The following FARS2 variants were observed in gnomAD, a reference collection of about 807,000 sequenced individuals.
The protein encoded by FARS2 is phenylalanyl-tRNA synthetase 2, mitochondrial, also known as phenylalanine--tRNA ligase, mitochondrial.
In FARS2, 40 loss-of-function variants were observed where a neutral mutation model predicts 46.4. The ratio of observed to expected loss-of-function variants is 0.86; its 90% CI spans 0.67 to 1.12. FARS2 has a LOEUF of 1.12. FARS2 is among the 50% of genes most tolerant of loss of function. The probability of loss-of-function intolerance (pLI) is 0.00; values close to 1 mark genes in which losing one functional copy is unlikely to be tolerated. For synonymous variants in FARS2, 234 were observed against 214.9 expected, an observed-to-expected ratio of 1.09 and a Z score of -0.78; for missense variants, 513 against 567.9, an observed-to-expected ratio of 0.90 and a Z score of 0.98.
rs764897456 is a variant in FARS2 at position 5,359,029 on chromosome 6, C to CTTTTTTTTTTTTTTTTTTTTTT, written c.-21-9521_-21-9520insTTTTTTTTTTTTTTTTTTTTTT. Among the ~76,000 whole-genome samples the CTTTTTTTTTTTTTTTTTTTTTT allele has an allele frequency of 3.2e-4, 23 of 72,516 alleles. 10 individuals carry two copies. The highest frequency in any genetic ancestry group is 1.3e-3 in the South Asian group (2 of 1,498). 47.6% of individuals were successfully genotyped at this position (72,516 alleles called of 152,430 possible). A position where few individuals can be genotyped will look rare whatever the true frequency, so the allele number is the denominator to read the frequency against. On this transcript the variant is annotated intron_variant, in intron 1 of 6. Transcript: ENST00000274680. Reference sequence around the variant, plus strand: ...TCGAATTATAGTGATGAAAAGATACCCTTTTTTTTTTTTTTTTTTTTTTTT... The same window carrying CTTTTTTTTTTTTTTTTTTTTTT: ...TCGAATTATAGTGATGAAAAGATACCTTTTTTTTTTTTTTTTTTTTTTCTTTTTTTTTTTTTTTTTTTTTTTT...
intron 5 of FARS2, among the ~76,000 whole-genome samples, chr6:5,553,133 C>A (rs1232131693): frequency 6.6e-6 from 1 of 152,136 alleles, no homozygotes; most frequent in Non-Finnish European, 1.5e-5. Context: ...AATAATTCAG[C>A]AATGTTGGCT....
intron 6 of FARS2, among the ~76,000 whole-genome samples, chr6:5,645,276 T>TC (rs1401783976): frequency 1.3e-5 from 2 of 152,222 alleles, no homozygotes; most frequent in African/African-American, 4.8e-5. Flanking sequence ...GAATGTGCTT[T>TC]AAGTGTCTAA....
At chr6:5,698,221 G>T (rs1758218092) in intron 6 of FARS2, among the ~76,000 whole-genome samples, 1 of 152,212 alleles carries the variant, frequency 6.6e-6, no homozygotes, top group Non-Finnish European at 1.5e-5. Context: ...AGGCTGTACA[G>T]GAAGTATCAT....
intron 1 of FARS2, among the ~76,000 whole-genome samples, chr6:5,277,416 A>G (rs144357991): frequency 0.014 from 2,199 of 152,324 alleles, 21 homozygotes; most frequent in Non-Finnish European, 0.021. Context: ...ATGGATATCA[A>G]TTACAAATGG....
At chr6:5,664,354 C>T (rs1260842246) in intron 6 of FARS2, among the ~76,000 whole-genome samples, 1 of 152,206 alleles carries the variant, frequency 6.6e-6, no homozygotes, top group East Asian at 1.9e-4. Flanking sequence ...GCCAGTGTTA[C>T]ACCGAGGGTC....
intron 6 of FARS2, among the ~76,000 whole-genome samples, chr6:5,757,568 T>G (rs772457602): frequency 1.3e-5 from 2 of 152,222 alleles, no homozygotes; most frequent in Non-Finnish European, 2.9e-5. Context: ...GGATCAGCCT[T>G]ATGAAACCTG....
chr6:5,432,364 A>C (rs1763252108), intron 4 of FARS2, among the ~76,000 whole-genome samples: 1 of 115,076 alleles, frequency 8.7e-6, no homozygotes, highest in Non-Finnish European at 1.7e-5. Context: ...TATATATATA[A>C]TATATTATAT....
intron 4 of FARS2, among the ~76,000 whole-genome samples, chr6:5,492,042 A>G (rs1767152217): frequency 6.6e-6 from 1 of 152,220 alleles, no homozygotes; most frequent in African/African-American, 2.4e-5. Context: ...GTGCAAAAGA[A>G]CTACCGTTAT....
At chr6:5,486,740 C>T (rs191072483) in intron 4 of FARS2, among the ~76,000 whole-genome samples, 2 of 152,146 alleles carry the variant, frequency 1.3e-5, no homozygotes, top group Non-Finnish European at 2.9e-5. Context: ...CCTTCATCCC[C>T]CGTGGTCAGC....
intron 5 of FARS2, among the ~76,000 whole-genome samples, chr6:5,593,338 G>T (rs1171948057): frequency 6.6e-6 from 1 of 151,810 alleles, no homozygotes; most frequent in African/African-American, 2.4e-5. Flanking sequence ...ACACAGAGGT[G>T]CACGGCCGTA....
intron 6 of FARS2, among the ~76,000 whole-genome samples, chr6:5,699,577 G>A (rs555948227): frequency 6.6e-6 from 1 of 151,226 alleles, no homozygotes; most frequent in African/African-American, 2.4e-5. Context: ...GCGCGATCTC[G>A]GCTCACTGCA....
At chr6:5,579,057 C>T (rs9328317) in intron 5 of FARS2, among the ~76,000 whole-genome samples, 43,976 of 152,114 alleles carry the variant, frequency 0.29, 6,554 homozygotes, top group East Asian at 0.38. Context: ...AAACATTGCC[C>T]TAACTATTAT....
chr6:5,350,005 G>A (rs2127603989), intron 1 of FARS2, among the ~76,000 whole-genome samples: 1 of 151,874 alleles, frequency 6.6e-6, no homozygotes, highest in South Asian at 2.1e-4. Context: ...ACCTGGCAGT[G>A]TAGTGTTTGT....
intron 6 of FARS2, among the ~76,000 whole-genome samples, chr6:5,662,435 C>T (rs1777894459): frequency 6.6e-6 from 1 of 152,202 alleles, no homozygotes; most frequent in South Asian, 2.1e-4. Flanking sequence ...GAAATAGTCA[C>T]CCACACTGCT....
chr6:5,635,136 GT>G (rs1266360737), intron 6 of FARS2, among the ~76,000 whole-genome samples: 2 of 152,186 alleles, frequency 1.3e-5, no homozygotes, highest in Non-Finnish European at 2.9e-5. Flanking sequence ...ACCTTAGAAG[GT>G]TATTTTGCAC....
chr6:5,676,545 A>G (rs1396848322), intron 6 of FARS2, among the ~76,000 whole-genome samples: 2 of 152,230 alleles, frequency 1.3e-5, no homozygotes, highest in Non-Finnish European at 2.9e-5. Context: ...AAGGACATTT[A>G]CAATGTCACA....
intron 6 of FARS2, among the ~76,000 whole-genome samples, chr6:5,767,060 A>G (rs181416939): frequency 1.1e-3 from 167 of 151,818 alleles, no homozygotes; most frequent in African/African-American, 3.8e-3. Flanking sequence ...TCCATCCAAA[A>G]AAAATTTTTT....
intron 6 of FARS2, among the ~76,000 whole-genome samples, chr6:5,691,792 T>A (rs1757745202): frequency 6.6e-6 from 1 of 152,070 alleles, no homozygotes; most frequent in South Asian, 2.1e-4. Context: ...AGAGGTAGAG[T>A]CTACAGAGGC....
At chr6:5,670,696 G>C (rs559989874) in intron 6 of FARS2, among the ~76,000 whole-genome samples, 9 of 152,220 alleles carry the variant, frequency 5.9e-5, no homozygotes, top group Non-Finnish European at 4.4e-5. Context: ...AAAAACATGA[G>C]TTCTCATTAG....
Sources: allele counts gnomAD v4.1 joint callset (sites outside exome capture counted in the v4.1 genomes callset), GRCh38; gene constraint gnomAD v4.1.1; transcripts MANE v1.5; gene names NCBI Gene and HGNC (gene_info 2026-07-23, HGNC 2026-07-21).